OIT3: variants seen among roughly 807,000 people sequenced by gnomAD.
OIT3 encodes oncoprotein induced transcript 3.
OIT3 carries 41 observed loss-of-function variants against 52.2 expected under a neutral mutation model. The observed-to-expected ratio is 0.79, with a 90% CI of 0.61 to 1.02. The LOEUF (loss-of-function observed/expected upper bound fraction) is 1.02. Among genes scored for constraint, OIT3 ranks in the 50% least tolerant of loss-of-function variants. OIT3 has a pLI of 0.00. For synonymous variants in OIT3, 244 were observed against 276.9 expected, an observed-to-expected ratio of 0.88 and a Z score of 1.18; for missense variants, 634 against 715.5, an observed-to-expected ratio of 0.89 and a Z score of 1.30.
chr10:72,918,784 T>G (rs146604518), intron 6 of OIT3, among the ~76,000 whole-genome samples: 1,593 of 152,326 alleles, frequency 0.01, 27 homozygotes, highest in African/African-American at 0.036. Flanking sequence ...CAGAGAGTTG[T>G]AGGTGTGCAG....
chr10:72,930,680 T>C (rs754579734), intron 8 of OIT3, 43 bp downstream of exon 8: 23 of 141,626 alleles, frequency 1.6e-4, no homozygotes, highest in South Asian at 2.3e-4. Context: ...AACCTGAGCC[T>C]TTTTTTTTTT....
Position 72,932,618 on chromosome 10 carries a change from G to T in OIT3, c.*94G>T, listed in dbSNP as rs1353945289. 1.1e-5 allele frequency: 13 copies of T among 1,183,962 alleles called. No individual in the cohort carries two copies. Among genetic ancestry groups the T allele is most frequent in the Non-Finnish European group, 1.5e-5 (13 of 850,302 alleles). 73.3% of individuals were successfully genotyped at this position (1,183,962 alleles called of 1,614,324 possible). A position where few individuals can be genotyped will look rare whatever the true frequency, so the allele number is the denominator to read the frequency against. On this transcript the variant is annotated 3_prime_UTR_variant, in exon 9 of 9. Coordinates refer to ENST00000334011, the MANE Select transcript of OIT3 (RefSeq NM_152635.3). ...TCTAAGAACATCTGCCAACAGCTGG[G>T]TTCAGACTTCACACTGTGAGTTCAG...
At chr10:72,918,371 G>A (rs1846092114) in intron 6 of OIT3, 5 of 770,178 alleles carry the variant, frequency 6.5e-6, no homozygotes, top group African/African-American at 1.7e-5. Context: ...TGTGCAATTC[G>A]TCCTTTGCAC....
intron 7 of OIT3, among the ~76,000 whole-genome samples, chr10:72,929,677 G>A (rs1846198880): frequency 6.6e-6 from 1 of 151,892 alleles, no homozygotes; most frequent in African/African-American, 2.4e-5. Flanking sequence ...GAGTAGCTGG[G>A]ACTACAGGCA....
chr10:72,906,229 ATTTAC>A (rs1845977566), intron 3 of OIT3, among the ~76,000 whole-genome samples: 1 of 152,214 alleles, frequency 6.6e-6, no homozygotes, highest in Non-Finnish European at 1.5e-5. Flanking sequence ...ACTTAAAACA[ATTTAC>A]TTTATAAGTT....
rs757995931 is a variant in OIT3, at chr10:72,898,881, C to A, written c.279C>A (p.Pro93=). The change falls in exon 2 of 9, where the codon CCC becomes CCA. Residue 93 remains proline (P), a synonymous_variant. Coordinates refer to ENST00000334011, the MANE Select transcript of OIT3 (RefSeq NM_152635.3). ...CTGTCTGGCTCAATGGCAGCCACCC[C>A]CTAGAAGGCGACGGCATTGTGCAAC... The part of the protein sequence containing the change: ...HAPVWLNGSH[P]LEGDGIVQRQ... 6.2e-7 allele frequency: 1 copy of A among 1,614,078 alleles called. No homozygotes were observed. Among genetic ancestry groups the A allele is most frequent in the Non-Finnish European group, 8.5e-7 (1 of 1,180,038 alleles).
rs1259954175 is a variant in OIT3 at position 72,930,417 on chromosome 10, T to C, written c.1368-121T>C. 6 of 730,446 alleles carry C rather than the reference T, an allele frequency of 8.2e-6. No homozygotes were observed. The Admixed American group carries it at 1.4e-4, about 17-fold the overall frequency. 45.2% of individuals were successfully genotyped at this position (730,446 alleles called of 1,614,324 possible). A position where few individuals can be genotyped will look rare whatever the true frequency, so the allele number is the denominator to read the frequency against. On this transcript the variant is annotated intron_variant, in intron 7 of 8. Coordinates refer to ENST00000334011, the MANE Select transcript of OIT3 (RefSeq NM_152635.3). The stretch of plus-strand genomic sequence containing the variant: ...AATTTTTCTTTCATTCCCAAAAAGC[T>C]TGAGTACAGTCCAGCCTCCTCCACC...
At chr10:72,899,641 A>T (rs1476643952) in intron 2 of OIT3, among the ~76,000 whole-genome samples, 2 of 151,820 alleles carry the variant, frequency 1.3e-5, no homozygotes, top group Non-Finnish European at 2.9e-5. Flanking sequence ...ACTGATTTAG[A>T]TTATCTAAAT....
intron 6 of OIT3, chr10:72,918,064 G>T: frequency 2.0e-6 from 2 of 1,006,720 alleles, no homozygotes; most frequent in Non-Finnish European, 3.1e-6. Flanking sequence ...TCAGCAGCAA[G>T]TTTTACTTTT....
intron 7 of OIT3, among the ~76,000 whole-genome samples, chr10:72,925,175 A>G (rs922525603): frequency 6.6e-6 from 1 of 152,006 alleles, no homozygotes; most frequent in Non-Finnish European, 1.5e-5. Flanking sequence ...ACTAGATGCC[A>G]TTAACCAAGG....
At chr10:72,930,377 C>A (rs545058883) in intron 7 of OIT3, among the ~76,000 whole-genome samples, 161 bp from the exon 8 acceptor site, 149 of 152,318 alleles carry the variant, frequency 9.8e-4, no homozygotes, top group African/African-American at 3.5e-3. Flanking sequence ...AAGAGGCCTT[C>A]ACAGGGAAAA....
chr10:72,921,797 G>A (rs551873616), intron 6 of OIT3, among the ~76,000 whole-genome samples: 22 of 150,654 alleles, frequency 1.5e-4, no homozygotes, highest in African/African-American at 5.1e-4. Flanking sequence ...TCAGCCTCCC[G>A]AGTAGTTGGG....
intron 6 of OIT3, chr10:72,918,504 G>T: frequency 7.1e-7 from 1 of 1,400,762 alleles, no homozygotes; most frequent in Non-Finnish European, 1.0e-6. Flanking sequence ...GGCCTCAGGA[G>T]GCTCATGTCC....
In OIT3 at chr10:72,900,284, AC is replaced by A. The variant is rs147470537; in HGVS notation, c.437-85del. On this transcript the variant is annotated intron_variant, in intron 2 of 8. Transcript: ENST00000334011. ...CCAGCCTGGGCAACATAGGGATACC[AC>A]CCCCCCCGACCCCCCGCACCATCTC... 3,246 of 635,506 alleles carry A rather than the reference AC, an allele frequency of 5.1e-3. 7 individuals are homozygous for A. Among genetic ancestry groups the A allele is most frequent in the South Asian group, 0.017 (860 of 51,490 alleles). 39.4% of individuals were successfully genotyped at this position (635,506 alleles called of 1,614,324 possible). A position where few individuals can be genotyped will look rare whatever the true frequency, so the allele number is the denominator to read the frequency against.
chr10:72,893,855 CG>C lies in OIT3; in HGVS notation c.58del (p.Val20TrpfsTer3). 6.2e-7 allele frequency: 1 copy of C among 1,608,132 alleles called. No homozygotes were observed. The highest frequency in any genetic ancestry group is 8.5e-7 in the Non-Finnish European group (1 of 1,177,272). ...TCATCACAGGCACCTCCGTGTCACC[CG>C]TGGGTGAGTCTCATGTCAAGAACTT... ...LFITGTSVSP[V>X]ALDPCSAYIS... On this transcript the variant is annotated frameshift_variant, in exon 1 of 9. Coordinates refer to ENST00000334011, the MANE Select transcript of OIT3 (RefSeq NM_152635.3). LOFTEE classifies it high-confidence loss of function.
chr10:72,899,450 A>C (rs7920607), intron 2 of OIT3, among the ~76,000 whole-genome samples: 37,884 of 151,556 alleles, frequency 0.25, 10,961 homozygotes, highest in African/African-American at 0.71. Context: ...CAAAAATTAG[A>C]CAGGCGTGGT....
chr10:72,906,976 G>C (rs891798431), intron 4 of OIT3, among the ~76,000 whole-genome samples: 1 of 152,178 alleles, frequency 6.6e-6, no homozygotes, highest in Non-Finnish European at 1.5e-5. Context: ...AATAAAAATA[G>C]GGTGTTCTGG....
At position 72,924,622 on chromosome 10, in the gene OIT3, A is replaced by C; in HGVS notation, c.1345A>C (p.Lys449Gln). The change falls in exon 7 of 9, where the codon AAA (lysine) becomes CAA (glutamine). Residue 449 changes from lysine to glutamine, a missense_variant. Physicochemically the swap from Lys to Gln is moderately conservative, Grantham distance 53. Coordinates refer to ENST00000334011, the MANE Select transcript of OIT3 (RefSeq NM_152635.3). ...TPTSKIDEVL[K>Q]YYLIRDGCVS... Reference sequence around the variant, plus strand: ...CACCTCCAAGATCGACGAGGTCCTGAAATACTACCTCATCCGGGATGGGTA... The same window carrying C: ...CACCTCCAAGATCGACGAGGTCCTGCAATACTACCTCATCCGGGATGGGTA... 1 of 1,612,334 alleles carries C rather than the reference A, an allele frequency of 6.2e-7. No individual in the cohort carries two copies. Among genetic ancestry groups the C allele is most frequent in the Non-Finnish European group, 8.5e-7 (1 of 1,178,852 alleles).
intron 1 of OIT3, among the ~76,000 whole-genome samples, chr10:72,898,281 T>C (rs1303749614): frequency 6.6e-6 from 1 of 152,104 alleles, no homozygotes; most frequent in Non-Finnish European, 1.5e-5. Context: ...AGCCAAACCC[T>C]GTTTCAAAAA....
Sources: gnomAD v4.1 joint callset for allele counts (sites outside exome capture counted in the v4.1 genomes callset) on GRCh38, gnomAD v4.1.1 for gene constraint, MANE v1.5 for transcripts, NCBI Gene and HGNC (gene_info 2026-07-23, HGNC 2026-07-21) for gene names.